The following STAT5A variants were observed in gnomAD, a reference collection of about 807,000 sequenced individuals.
STAT5A encodes signal transducer and activator of transcription 5A, also known as epididymis secretory sperm binding protein.
A neutral mutation model predicts 100.2 loss-of-function variants in STAT5A; 26 were observed. That is an observed-to-expected ratio of 0.26 (90% confidence interval 0.19 to 0.36). The LOEUF (loss-of-function observed/expected upper bound fraction) is 0.36. Ranked by LOEUF, STAT5A falls within the 10% of genes least tolerant of loss-of-function variation. STAT5A has a pLI of 1.00. For missense variants in STAT5A, 634 were observed against 1,027.5 expected (o/e 0.62, Z 5.24); for synonymous variants, 330 against 424.3 (o/e 0.78, Z 2.73).
At chr17:42,292,242 A>G (rs2080876287) in intron 4 of STAT5A, among the ~76,000 whole-genome samples, 181 bp downstream of exon 4, 2 of 152,206 alleles carry the variant, frequency 1.3e-5, no homozygotes, top group Non-Finnish European at 2.9e-5. Context: ...CCCTGGATCC[A>G]GTCCCTGGCT....
At chr17:42,309,300 A>G in intron 17 of STAT5A, 77 bp from the exon 18 acceptor site, 2 of 1,558,760 alleles carry the variant, frequency 1.3e-6, no homozygotes, top group Non-Finnish European at 1.8e-6. Context: ...AAAGACAAAC[A>G]TGCCCCTCGG....
chr17:42,289,602 AG>A, intron 2 of STAT5A, 63 bp downstream of exon 2: 1 of 1,569,440 alleles, frequency 6.4e-7, no homozygotes, highest in Non-Finnish European at 8.6e-7. Flanking sequence ...TTTGGCCTCT[AG>A]TTTTACTCAT....
chr17:42,303,758 T>C (rs1221120959), intron 9 of STAT5A, among the ~76,000 whole-genome samples: 1 of 151,918 alleles, frequency 6.6e-6, no homozygotes, highest in Non-Finnish European at 1.5e-5. Flanking sequence ...GAGATGTGTT[T>C]AAGGCGGGGG....
chr17:42,291,926 G>C, intron 3 of STAT5A, 46 bp from the exon 4 acceptor site: 1 of 1,603,446 alleles, frequency 6.2e-7, no homozygotes, highest in Non-Finnish European at 8.5e-7. Flanking sequence ...GGCTGGCATG[G>C]CTGGAGCAGA....
intron 5 of STAT5A, among the ~76,000 whole-genome samples, chr17:42,297,467 G>A (rs953937921): frequency 1.3e-5 from 2 of 151,954 alleles, no homozygotes; most frequent in Non-Finnish European, 1.5e-5. Flanking sequence ...GATCTATCAT[G>A]CAGTGTCTTC....
At chr17:42,298,468 G>C (rs887762156) in intron 5 of STAT5A, among the ~76,000 whole-genome samples, 4 of 147,864 alleles carry the variant, frequency 2.7e-5, no homozygotes, top group African/African-American at 1.0e-4. Flanking sequence ...GCACATGATG[G>C]ATACTTTTTT....
chr17:42,295,528 G>A, intron 4 of STAT5A, 91 bp from the exon 5 acceptor site: 1 of 1,418,364 alleles, frequency 7.1e-7, no homozygotes, highest in Non-Finnish European at 9.6e-7. Flanking sequence ...GGGGTTTGGG[G>A]TTTGGGGTCT....
intron 1 of STAT5A, chr17:42,289,113 C>T (rs1303884566): frequency 3.2e-6 from 1 of 308,952 alleles, no homozygotes; most frequent in Non-Finnish European, 6.0e-6. Flanking sequence ...CAGTTTCTGG[C>T]CGTCCCCCTC....
At chr17:42,292,820 T>G (rs10153267) in intron 4 of STAT5A, among the ~76,000 whole-genome samples, 13,910 of 151,258 alleles carry the variant, frequency 0.092, 2,101 homozygotes, top group African/African-American at 0.32. Flanking sequence ...AGTAGAGACG[T>G]GGTTTCACTA....
intron 4 of STAT5A, 66 bp from the exon 5 acceptor site, chr17:42,295,553 T>C (rs1421829268): frequency 1.3e-6 from 2 of 1,543,280 alleles, no homozygotes; most frequent in Non-Finnish European, 1.8e-6. Context: ...TATTGGTGTT[T>C]CCTAATGCCT....
chr17:42,306,486 C>T (rs372981730), intron 13 of STAT5A, 39 bp downstream of exon 13: 41 of 1,580,104 alleles, frequency 2.6e-5, no homozygotes, highest in Admixed American at 2.6e-4. Context: ...CAGGGCCCAC[C>T]GGGGTCTGTT....
intron 5 of STAT5A, among the ~76,000 whole-genome samples, chr17:42,296,100 A>G (rs1204268796): frequency 6.6e-6 from 1 of 152,206 alleles, no homozygotes; most frequent in Non-Finnish European, 1.5e-5. Context: ...ACAGAACTGG[A>G]TCTCAACTAG....
Position 42,308,367 on chromosome 17 carries a change from C to T in STAT5A, c.2062+34C>T, listed in dbSNP as rs764391356. 4 of 1,613,516 alleles carry T rather than the reference C, an allele frequency of 2.5e-6. No individual in the cohort carries two copies. Among genetic ancestry groups the T allele is most frequent in the East Asian group, 2.2e-5 (1 of 44,850 alleles). On this transcript the variant is annotated intron_variant, in intron 16 of 18. Transcript: ENST00000590949. The surrounding 1 kb of genome is among the most constrained non-coding windows in gnomAD (Gnocchi z 4.6). The stretch of plus-strand genomic sequence containing the variant: ...TGCCCCAGGACCCTGCCGGCTGACT[C>T]CCCCGGGCTCTTCCCCAGCCCATAG...
Position 42,308,214 on chromosome 17 carries a change from C to T in STAT5A, c.1943C>T (p.Thr648Met), listed in dbSNP as rs746268770. ...CTGTGGAACCTGAAACCATTCACCA[C>T]GCGGGATTTCTCCATCAGGTCCCTG... ...RNLWNLKPFT[T>M]RDFSIRSLAD... is the part of the protein sequence containing the mutation. The change falls in exon 16 of 19, where the codon ACG becomes ATG. Residue 648 changes from threonine (T) to methionine (M), a missense_variant. Thr to Met is a moderately conservative substitution (Grantham distance 81, BLOSUM62 -1). This residue lies in a region of STAT5A where 210 missense variants were observed against 428.4 expected (regional missense o/e 0.49). Coordinates refer to ENST00000590949, the MANE Select transcript of STAT5A (RefSeq NM_001288718.2). The surrounding 1 kb of genome is among the most constrained non-coding windows in gnomAD (Gnocchi z 4.6). The T allele has an allele frequency of 5.6e-6, 9 of 1,614,114 alleles. No individual in the cohort carries two copies. Among genetic ancestry groups the T allele is most frequent in the African/African-American group, 2.7e-5 (2 of 74,928 alleles).
chr17:42,310,252 A>G (rs903981975), intron 18 of STAT5A, among the ~76,000 whole-genome samples: 1 of 152,270 alleles, frequency 6.6e-6, no homozygotes, highest in African/African-American at 2.4e-5. Flanking sequence ...TGGTTTTAAG[A>G]TGAGGACACG....
intron 1 of STAT5A, among the ~76,000 whole-genome samples, chr17:42,289,055 A>G (rs547571692): frequency 6.6e-6 from 1 of 152,312 alleles, no homozygotes; most frequent in East Asian, 1.9e-4. Flanking sequence ...GGATCCTTGC[A>G]GCCCTCTCCA....
At chr17:42,299,126 G>A (rs538373500) in intron 5 of STAT5A, among the ~76,000 whole-genome samples, 10 of 152,178 alleles carry the variant, frequency 6.6e-5, no homozygotes, top group Non-Finnish European at 1.5e-4. Flanking sequence ...GGGGTTCCCT[G>A]AAGAGGCCTT....
rs1446791799 is a variant in STAT5A at position 42,304,486 on chromosome 17, G to A, written c.1258-44G>A. On this transcript the variant is annotated intron_variant, in intron 10 of 18. Coordinates refer to ENST00000590949, the MANE Select transcript of STAT5A (RefSeq NM_001288718.2). The surrounding 1 kb of genome is among the most constrained non-coding windows in gnomAD (Gnocchi z 4.8). ...TCTGCCCAGAGCTGAGTCCTTGTAA[G>A]CAGCCGCCATCTCCCTGTTCCCCTG... is the stretch of plus-strand genomic sequence containing the variant. 1.2e-5 allele frequency: 19 copies of A among 1,614,190 alleles called. No homozygotes were observed. The highest frequency in any genetic ancestry group is 1.6e-5 in the Non-Finnish European group (19 of 1,179,992).
chr17:42,299,626 G>A (rs1222048900), intron 5 of STAT5A, 125 bp from the exon 6 acceptor site: 11 of 1,509,662 alleles, frequency 7.3e-6, no homozygotes, highest in South Asian at 2.5e-5. Flanking sequence ...CAGGAACCCC[G>A]ACTTGCTCTT....
Sources: allele counts gnomAD v4.1 joint callset (sites outside exome capture counted in the v4.1 genomes callset), GRCh38; gene constraint gnomAD v4.1.1; regional missense constraint gnomAD v4.1.1; non-coding constraint Gnocchi (gnomAD v3.1); transcripts MANE v1.5; gene names NCBI Gene and HGNC (gene_info 2026-07-23, HGNC 2026-07-21).